The following CRTAP variants were observed in gnomAD, a reference collection of about 807,000 sequenced individuals.
CRTAP encodes cartilage-associated protein.
A neutral mutation model predicts 42.7 loss-of-function variants in CRTAP; 33 were observed. The ratio of observed to expected loss-of-function variants is 0.77; its 90% confidence interval spans 0.59 to 1.03. CRTAP has a LOEUF of 1.03. Ranked by LOEUF, CRTAP falls within the 50% of genes least tolerant of loss-of-function variation. The pLI, the probability that CRTAP is intolerant of heterozygous loss-of-function variation, is 0.00. For missense variants in CRTAP, 613 were observed against 533.9 expected, an observed-to-expected ratio of 1.15 and a Z score of -1.46; for synonymous variants, 243 against 217.7, an observed-to-expected ratio of 1.12 and a Z score of -1.02.
rs1305456639 is a variant in CRTAP, at chr3:33,132,663, C to A, written c.1031C>A (p.Thr344Asn). Reference protein sequence around the residue: ...NLVYYQYHRDTWGLSDEHFQP... With the variant: ...NLVYYQYHRDNWGLSDEHFQP... The stretch of plus-strand genomic sequence containing the variant: ...GTGTATTACCAGTACCACAGGGACA[C>A]TTGGGGCCTCTCGGATGAGCACTTC... Residue 344 changes from threonine (T) to asparagine (N), a missense_variant, in exon 5 of 7, where the codon ACT becomes AAT. Transcript: ENST00000320954. 3 of 1,614,094 alleles carry A rather than the reference C, an allele frequency of 1.9e-6. No individual in the cohort carries two copies. The highest frequency in any genetic ancestry group is 1.7e-5 in the Admixed American group (1 of 60,024).
intron 6 of CRTAP, among the ~76,000 whole-genome samples, chr3:33,137,477 C>G (rs1236144195): frequency 1.3e-5 from 2 of 152,166 alleles, no homozygotes; most frequent in African/African-American, 4.8e-5. Context: ...TTGAGCATCC[C>G]TTCATGATTG....
intron 3 of CRTAP, among the ~76,000 whole-genome samples, chr3:33,126,481 T>A (rs1001573678): frequency 2.6e-5 from 4 of 152,182 alleles, no homozygotes; most frequent in African/African-American, 7.2e-5. Context: ...TTGAACAGGC[T>A]CGGTTTGATT....
At chr3:33,120,602 A>G in intron 2 of CRTAP, 109 bp downstream of exon 2, 1 of 1,502,930 alleles carries the variant, frequency 6.7e-7, no homozygotes, top group African/African-American at 1.4e-5. Context: ...TTTTGGTGAC[A>G]TTTGCTGAAT....
chr3:33,118,520 C>G (rs527302679), intron 1 of CRTAP, among the ~76,000 whole-genome samples: 12 of 152,350 alleles, frequency 7.9e-5, no homozygotes, highest in African/African-American at 2.6e-4. Context: ...GATGTGGCCA[C>G]TGCCATTGTC....
intron 3 of CRTAP, among the ~76,000 whole-genome samples, chr3:33,125,298 G>A (rs2030025471): frequency 6.6e-6 from 1 of 152,112 alleles, no homozygotes; most frequent in South Asian, 2.1e-4. Context: ...CTATGTACTT[G>A]TAAATAAGTC....
rs902015918 is a variant in CRTAP, at chr3:33,129,789, A to G, written c.794-150A>G. The G allele has an allele frequency of 1.1e-4, 71 of 632,360 alleles. 1 individual carries two copies. Among genetic ancestry groups the G allele is most frequent in the South Asian group, 3.8e-4 (24 of 63,846 alleles). 39.2% of individuals were successfully genotyped at this position (632,360 alleles called of 1,614,324 possible). On this transcript the variant is annotated intron_variant, in intron 3 of 6. Coordinates refer to ENST00000320954, the MANE Select transcript of CRTAP (RefSeq NM_006371.5). ...CCTGACCTTGTGATTCGCCCGCCTC[A>G]GCCTCCCGAAGTGCTGGGATTACAG... is the stretch of plus-strand genomic sequence containing the variant.
chr3:33,141,503 G>A (rs1329753840), intron 6 of CRTAP, among the ~76,000 whole-genome samples: 3 of 152,208 alleles, frequency 2.0e-5, no homozygotes, highest in Non-Finnish European at 4.4e-5. Context: ...AATGCTGCAA[G>A]ATTTTTATAA....
intron 1 of CRTAP, among the ~76,000 whole-genome samples, chr3:33,118,725 T>G (rs1313880220): frequency 6.6e-6 from 1 of 152,226 alleles, no homozygotes; most frequent in African/African-American, 2.4e-5. Context: ...CCCTTCTCCC[T>G]ACTAGGTTGT....
chr3:33,130,978 C>T (rs999745879), intron 4 of CRTAP, among the ~76,000 whole-genome samples: 1 of 152,174 alleles, frequency 6.6e-6, no homozygotes, highest in African/African-American at 2.4e-5. Flanking sequence ...GGCTTTTCCT[C>T]CTCTCCCTGT....
intron 2 of CRTAP, among the ~76,000 whole-genome samples, chr3:33,122,136 G>A (rs1270351677): frequency 1.3e-5 from 2 of 152,108 alleles, no homozygotes; most frequent in African/African-American, 4.8e-5. Flanking sequence ...TTTGGGGAAC[G>A]AAGCCGAGTG....
Position 33,143,640 on chromosome 3 carries a change from C to G in CRTAP, c.*1192C>G, listed in dbSNP as rs1575521588. On this transcript the variant is annotated 3_prime_UTR_variant, in exon 7 of 7. Coordinates refer to ENST00000320954, the MANE Select transcript of CRTAP (RefSeq NM_006371.5). ...GCCAATACATAGGAATAAATATATA[C>G]AAGGTATCATGTAGTGATAATTGCT... 2.6e-5 allele frequency: 4 copies of G among 152,166 alleles called. No homozygotes were observed. The South Asian group carries it at 8.3e-4, about 32-fold the overall frequency. The allele number at this position is 152,166 out of a possible 1,614,324, so 9.4% of individuals were successfully genotyped here.
Position 33,114,200 on chromosome 3 carries a change from G to A in CRTAP, c.123G>A (p.Leu41=). ...TCCGCAGCTTCCCACGGGACGAGCT[G>A]ATGCCGCTCGAGTCGGCCTACCGGC... ...YSFRSFPRDE[L]MPLESAYRHA... is the part of the protein sequence containing the mutation. The change falls in exon 1 of 7, where the codon CTG becomes CTA. Residue 41 remains leucine (L), a synonymous_variant. Coordinates refer to ENST00000320954, the MANE Select transcript of CRTAP (RefSeq NM_006371.5). 2 of 1,594,092 alleles carry A rather than the reference G, an allele frequency of 1.3e-6. No homozygotes were observed. The highest frequency in any genetic ancestry group is 8.5e-7 in the Non-Finnish European group (1 of 1,176,530).
rs1042902772 is a variant in CRTAP, at chr3:33,147,699, A to C, written c.*5251A>C. 14 of 152,348 alleles carry C rather than the reference A, an allele frequency of 9.2e-5. No homozygotes were observed. The highest frequency in any genetic ancestry group is 3.4e-4 in the African/African-American group (14 of 41,582). 9.4% of individuals were successfully genotyped at this position (152,348 alleles called of 1,614,324 possible). On this transcript the variant is annotated 3_prime_UTR_variant, in exon 7 of 7. Transcript: ENST00000320954. ...GGTATGTACAAGCTCACTCTTGTTG[A>C]AAATTAGAAAATAGTTGAAAACAAA...
chr3:33,121,239 T>A (rs1417979741), intron 2 of CRTAP, among the ~76,000 whole-genome samples: 1 of 152,032 alleles, frequency 6.6e-6, no homozygotes, highest in Non-Finnish European at 1.5e-5. Flanking sequence ...TGAAACCCCG[T>A]CTCTACTAAA....
Position 33,134,269 on chromosome 3 carries a change from A to C in CRTAP, c.1152+4A>C. 6.4e-7 allele frequency: 1 copy of C among 1,568,168 alleles called. No homozygotes were observed. ...AAATATAATGGATGATGATGAGGTAAGTTTTCATGCTTAGCACATGTCTGG... is the reference window on the plus strand; with the variant it reads ...AAATATAATGGATGATGATGAGGTACGTTTTCATGCTTAGCACATGTCTGG... On this transcript the variant is annotated splice_donor_region_variant and intron_variant, in intron 6 of 6. Coordinates refer to ENST00000320954, the MANE Select transcript of CRTAP (RefSeq NM_006371.5).
rs1417679529 is a variant in CRTAP, at chr3:33,144,226, A to T, written c.*1778A>T. ...GTAAGAGAAGGAAGAGTTAATGATG[A>T]CATTAAGGTTTTTGGCCTGAATAGC... On this transcript the variant is annotated 3_prime_UTR_variant, in exon 7 of 7. Transcript: ENST00000320954. The T allele has an allele frequency of 1.3e-5, 2 of 152,302 alleles. No homozygotes were observed. The highest frequency in any genetic ancestry group is 2.9e-5 in the Non-Finnish European group (2 of 68,034). 9.4% of individuals were successfully genotyped at this position (152,302 alleles called of 1,614,324 possible). A position where few individuals can be genotyped will look rare whatever the true frequency, so the allele number is the denominator to read the frequency against.
At position 33,142,661 on chromosome 3, in the gene CRTAP, C is replaced by T. The variant is rs2030610325; in HGVS notation, c.*213C>T. 5.5e-6 allele frequency: 3 copies of T among 550,142 alleles called. No homozygotes were observed. The highest frequency in any genetic ancestry group is 6.5e-6 in the Non-Finnish European group (2 of 305,736). The allele number at this position is 550,142 out of a possible 1,614,324, so 34.1% of individuals were successfully genotyped here. A position where few individuals can be genotyped will look rare whatever the true frequency, so the allele number is the denominator to read the frequency against. On this transcript the variant is annotated 3_prime_UTR_variant, in exon 7 of 7. Transcript: ENST00000320954. Reference sequence around the variant, plus strand: ...ACCTCATGTTCACACCTATCTTTCTCACCTTTTTTTTGAGATGGAGTCTCG... The same window carrying T: ...ACCTCATGTTCACACCTATCTTTCTTACCTTTTTTTTGAGATGGAGTCTCG...
At position 33,114,097 on chromosome 3, in the gene CRTAP, G is replaced by T; in HGVS notation, c.20G>T (p.Gly7Val). ...GGCGCGATGGAGCCGGGGCGCCGGG[G>T]GGCCGCGGCGCTGCTAGCGCTGCTG... MEPGRRGAAALLALLCV... is the reference protein window; with the variant it reads MEPGRRVAAALLALLCV... Residue 7 changes from glycine to valine, a missense_variant, in exon 1 of 7, where the codon GGG becomes GTG. Gly to Val is a moderately radical substitution (Grantham distance 109). Coordinates refer to ENST00000320954, the MANE Select transcript of CRTAP (RefSeq NM_006371.5). 2.0e-6 allele frequency: 3 copies of T among 1,467,978 alleles called. No homozygotes were observed. The highest frequency in any genetic ancestry group is 1.3e-5 in the South Asian group (1 of 76,464). 90.9% of individuals were successfully genotyped at this position (1,467,978 alleles called of 1,614,324 possible). A position where few individuals can be genotyped will look rare whatever the true frequency, so the allele number is the denominator to read the frequency against.
chr3:33,115,094 C>A (rs1266236156), intron 1 of CRTAP, among the ~76,000 whole-genome samples: 4 of 152,072 alleles, frequency 2.6e-5, no homozygotes, highest in Non-Finnish European at 5.9e-5. Flanking sequence ...TAGGCGCGCG[C>A]CACCACACCT....
Sources: gnomAD v4.1 joint callset for allele counts (sites outside exome capture counted in the v4.1 genomes callset) on GRCh38, gnomAD v4.1.1 for gene constraint, MANE v1.5 for transcripts, NCBI Gene and HGNC (gene_info 2026-07-23, HGNC 2026-07-21) for gene names.